NAV2: variants seen among roughly 807,000 people sequenced by gnomAD.
The protein encoded by NAV2 is helicase, APC down-regulated 1.
In NAV2, 54 loss-of-function variants were observed where a neutral mutation model predicts 223.2. The ratio of observed to expected loss-of-function variants is 0.24; its 90% CI spans 0.19 to 0.30. NAV2 has a LOEUF of 0.30. Among genes scored for constraint, NAV2 ranks in the 10% least tolerant of loss-of-function variants. The pLI, the probability that NAV2 is intolerant of heterozygous loss-of-function variation, is 1.00. For synonymous variants in NAV2, 1,279 were observed against 1,239.3 expected (o/e 1.03, Z -0.67); for missense variants, 2,806 against 3,147.5 (o/e 0.89, Z 2.60).
intron 6 of NAV2, among the ~76,000 whole-genome samples, chr11:19,913,873 G>T (rs2043537399): frequency 6.6e-6 from 1 of 152,124 alleles, no homozygotes; most frequent in East Asian, 1.9e-4. Context: ...GGACCGCATA[G>T]TCTCCAAAAA....
At chr11:19,842,733 C>T (rs1355266997) in intron 2 of NAV2, 138 bp from the exon 3 acceptor site, 6 of 645,970 alleles carry the variant, frequency 9.3e-6, no homozygotes, top group Non-Finnish European at 1.6e-5. Context: ...AGATGTGTCT[C>T]AGTATTTCAC....
chr11:19,925,747 C>CAA (rs748662441), intron 6 of NAV2, among the ~76,000 whole-genome samples: 6 of 95,792 alleles, frequency 6.3e-5, no homozygotes, highest in South Asian at 6.8e-4. Context: ...GATTCTGTCT[C>CAA]AAAAAAAAAA....
At chr11:19,775,085 A>C (rs2056047034) in intron 1 of NAV2, among the ~76,000 whole-genome samples, 1 of 152,250 alleles carries the variant, frequency 6.6e-6, no homozygotes, top group East Asian at 1.9e-4. Flanking sequence ...TTTAGGCTTT[A>C]AAAAGCTGTG....
chr11:19,445,255 C>G (rs1027684630), intron 1 of NAV2, among the ~76,000 whole-genome samples: 2 of 152,076 alleles, frequency 1.3e-5, no homozygotes, highest in Middle Eastern at 3.2e-3. Flanking sequence ...GACCAGAAGG[C>G]TACATTTTTC....
At position 19,953,260 on chromosome 11, in the gene NAV2, C is replaced by A. The variant is rs745368781; in HGVS notation, c.2645+4180C>A. 7.2e-5 allele frequency among the ~76,000 whole-genome samples: 11 copies of A among 152,262 alleles called. No individual in the cohort carries two copies. The East Asian group carries it at 1.7e-3, about 24-fold the overall frequency. On this transcript the variant is annotated intron_variant, in intron 10 of 37. Coordinates refer to ENST00000349880, the MANE Select transcript of NAV2 (RefSeq NM_145117.5). Reference sequence around the variant, plus strand: ...ATCAGAAGTTTCTCCCTCTCAGAACCTTTGATGGCTTCCCATTGCCTGTGG... The same window carrying A: ...ATCAGAAGTTTCTCCCTCTCAGAACATTTGATGGCTTCCCATTGCCTGTGG...
intron 1 of NAV2, among the ~76,000 whole-genome samples, chr11:19,771,470 G>A (rs1215460103): frequency 1.3e-5 from 2 of 152,092 alleles, no homozygotes; most frequent in African/African-American, 4.8e-5. Context: ...AACAGCCTGA[G>A]CAAAGGCATG....
intron 11 of NAV2, among the ~76,000 whole-genome samples, chr11:19,987,744 C>T (rs1395337967): frequency 2.0e-5 from 3 of 152,200 alleles, no homozygotes; most frequent in African/African-American, 4.8e-5. Context: ...AAAGTGTGCC[C>T]TTGATCTCTT....
At chr11:19,747,171 G>A (rs1365278016) in intron 1 of NAV2, among the ~76,000 whole-genome samples, 1 of 150,426 alleles carries the variant, frequency 6.6e-6, no homozygotes, top group East Asian at 2.0e-4. Context: ...GCGATAGTTT[G>A]CTGAGAATGA....
intron 6 of NAV2, among the ~76,000 whole-genome samples, chr11:19,916,777 C>T (rs1372727007): frequency 3.9e-5 from 6 of 152,182 alleles, no homozygotes; most frequent in Non-Finnish European, 5.9e-5. Context: ...TGAATGAGTA[C>T]GGCTGTGTTC....
intron 4 of NAV2, among the ~76,000 whole-genome samples, chr11:19,878,510 CA>C (rs1454711999): frequency 6.6e-6 from 1 of 152,180 alleles, no homozygotes; most frequent in African/African-American, 2.4e-5. Context: ...GGTAAGAATA[CA>C]GATTGGAACT....
intron 1 of NAV2, among the ~76,000 whole-genome samples, chr11:19,654,953 C>A (rs1233201904): frequency 6.6e-6 from 1 of 152,098 alleles, no homozygotes. Flanking sequence ...AGTGAACAGG[C>A]AACCTACAGA....
At chr11:19,616,989 G>A (rs2011233) in intron 1 of NAV2, among the ~76,000 whole-genome samples, 146,769 of 151,998 alleles carry the variant, frequency 0.97, 70,956 homozygotes, top group Non-Finnish European at 1. Flanking sequence ...TATAACATGG[G>A]TCTCATAACG....
At chr11:19,706,902 A>G (rs771953842) in intron 1 of NAV2, among the ~76,000 whole-genome samples, 1 of 152,230 alleles carries the variant, frequency 6.6e-6, no homozygotes. Context: ...CTTAGGCTAT[A>G]TTCTATAGCC....
At chr11:19,704,878 G>C (rs1053136280) in intron 1 of NAV2, among the ~76,000 whole-genome samples, 2 of 151,678 alleles carry the variant, frequency 1.3e-5, no homozygotes, top group African/African-American at 4.8e-5. Context: ...GGGCGTCGTG[G>C]CGGGCGCCTG....
chr11:19,673,975 C>G (rs754753776), intron 1 of NAV2, among the ~76,000 whole-genome samples: 1 of 152,190 alleles, frequency 6.6e-6, no homozygotes, highest in Non-Finnish European at 1.5e-5. Context: ...CAGGCGCCTC[C>G]TCCAAGCTGA....
At chr11:19,791,963 G>C (rs893044346) in intron 1 of NAV2, among the ~76,000 whole-genome samples, 3 of 152,172 alleles carry the variant, frequency 2.0e-5, no homozygotes, top group South Asian at 2.1e-4. Context: ...GCTTTGCAAT[G>C]TTCAGTTTCT....
At chr11:19,522,122 T>C (rs1447316104) in intron 1 of NAV2, among the ~76,000 whole-genome samples, 5 of 152,194 alleles carry the variant, frequency 3.3e-5, no homozygotes, top group African/African-American at 9.7e-5. Flanking sequence ...CAAGGACTTG[T>C]TGGTGCCCGA....
chr11:20,060,064 T>C (rs945513896), intron 19 of NAV2, among the ~76,000 whole-genome samples: 2 of 152,252 alleles, frequency 1.3e-5, no homozygotes, highest in African/African-American at 4.8e-5. Context: ...GAAAAATAAT[T>C]ACCTCTACCT....
chr11:19,516,402 A>G (rs1282271807), intron 1 of NAV2, among the ~76,000 whole-genome samples: 1 of 152,216 alleles, frequency 6.6e-6, no homozygotes, highest in Non-Finnish European at 1.5e-5. Context: ...GCGGGAAATC[A>G]CAGAAGGCTT....
Sources: allele counts gnomAD v4.1 joint callset (sites outside exome capture counted in the v4.1 genomes callset), GRCh38; gene constraint gnomAD v4.1.1; transcripts MANE v1.5; gene names NCBI Gene and HGNC (gene_info 2026-07-23, HGNC 2026-07-21).